Variants in SCAI observed in about 807,000 individuals in gnomAD.
The protein encoded by SCAI is suppressor of cancer cell invasion.
Under a neutral mutation model 92.2 loss-of-function variants are expected in SCAI, and 24 were observed. The observed-to-expected ratio is 0.26, with a 90% CI of 0.19 to 0.37. SCAI has a LOEUF of 0.37. Among genes scored for constraint, SCAI ranks in the 10% least tolerant of loss-of-function variants. The pLI is 1.00. For missense variants in SCAI, 450 were observed against 736.2 expected (o/e 0.61, Z 4.50); for synonymous variants, 261 against 258.6 (o/e 1.01, Z -0.09).
rs1488554816 is a variant in SCAI, at chr9:124,944,743, A to G, written c.*8064T>C. On this transcript the variant is annotated 3_prime_UTR_variant, in exon 18 of 18. Coordinates refer to ENST00000336505, the MANE Select transcript of SCAI (RefSeq NM_001144877.3). ...GTATTTACTTTTGGGATTCTCATGTATGATCATTTCAAATTTTATACTTAT... is the reference window on the plus strand; with the variant it reads ...GTATTTACTTTTGGGATTCTCATGTGTGATCATTTCAAATTTTATACTTAT... 1 of 152,172 alleles carries G rather than the reference A, an allele frequency of 6.6e-6. No homozygotes were observed. The highest frequency in any genetic ancestry group is 1.5e-5 in the Non-Finnish European group (1 of 68,022). The allele number at this position is 152,172 out of a possible 1,614,324, so 9.4% of individuals were successfully genotyped here. A position where few individuals can be genotyped will look rare whatever the true frequency, so the allele number is the denominator to read the frequency against.
chr9:125,007,957 T>C (rs1832547246), intron 9 of SCAI, among the ~76,000 whole-genome samples: 1 of 152,046 alleles, frequency 6.6e-6, no homozygotes, highest in South Asian at 2.1e-4. Context: ...GCCATTCTCC[T>C]GCCTCAGCCT....
In SCAI at chr9:124,966,382, A is replaced by G. The variant is rs1401967877; in HGVS notation, c.1674+4988T>C. ...ATGAGTTCATGTCCTTTGTAGGGAC[A>G]TGGATGAAGCTGGAAACCATCATTC... On this transcript the variant is annotated intron_variant, in intron 17 of 17. Transcript: ENST00000336505. 4.6e-5 allele frequency among the ~76,000 whole-genome samples: 7 copies of G among 152,194 alleles called. No homozygotes were observed. The East Asian group carries it at 1.3e-3, about 29-fold the overall frequency.
At chr9:125,020,643 T>C in intron 7 of SCAI, 30 bp downstream of exon 7, 4 of 975,278 alleles carry the variant, frequency 4.1e-6, no homozygotes, top group Non-Finnish European at 6.3e-6. Flanking sequence ...AACTAGAGAT[T>C]AGAATTTGAA....
At chr9:125,069,486 A>G (rs1833935452) in intron 2 of SCAI, among the ~76,000 whole-genome samples, 1 of 142,950 alleles carries the variant, frequency 7.0e-6, no homozygotes, top group Non-Finnish European at 1.5e-5. Context: ...CCCGGCTAAT[A>G]TTTTTGTATT....
rs1324169207 is a variant in SCAI, at chr9:125,003,097, T to A, written c.1065+17A>T. ...CACACTTTCACCTCATAGTAAAAAGTACTGGATCACACATACCTTAAAAGA... is the reference window on the plus strand; with the variant it reads ...CACACTTTCACCTCATAGTAAAAAGAACTGGATCACACATACCTTAAAAGA... On this transcript the variant is annotated intron_variant, in intron 11 of 17. Transcript: ENST00000336505. 1 of 1,544,964 alleles carries A rather than the reference T, an allele frequency of 6.5e-7. No individual in the cohort carries two copies. Among genetic ancestry groups the A allele is most frequent in the Non-Finnish European group, 8.9e-7 (1 of 1,117,384 alleles).
chr9:124,995,642 C>G (rs905922778), intron 13 of SCAI, among the ~76,000 whole-genome samples: 1 of 151,940 alleles, frequency 6.6e-6, no homozygotes, highest in African/African-American at 2.4e-5. Flanking sequence ...AGACATGTAC[C>G]AACACAACCA....
chr9:124,975,606 G>T (rs1422010887), intron 15 of SCAI, among the ~76,000 whole-genome samples: 1 of 152,164 alleles, frequency 6.6e-6, no homozygotes, highest in Non-Finnish European at 1.5e-5. Context: ...ACTTAGAAGA[G>T]GTTCTTTTAT....
intron 14 of SCAI, among the ~76,000 whole-genome samples, chr9:124,976,516 A>ATG (rs1831758670): frequency 6.6e-6 from 1 of 152,256 alleles, no homozygotes; most frequent in South Asian, 2.1e-4. Flanking sequence ...ACTTATATAT[A>ATG]TAAAGGTGAA....
At position 124,946,161 on chromosome 9, in the gene SCAI, C is replaced by A. The variant is rs1390449348; in HGVS notation, c.*6646G>T. On this transcript the variant is annotated 3_prime_UTR_variant, in exon 18 of 18. Coordinates refer to ENST00000336505, the MANE Select transcript of SCAI (RefSeq NM_001144877.3). The surrounding 1 kb of genome is among the most constrained non-coding windows in gnomAD (Gnocchi z 4.0). ...TTTAAATGGTATAATATCTGCTCTA[C>A]TACTCTCCAGTGCAAAAACAATGAT... 1.3e-5 allele frequency: 2 copies of A among 152,190 alleles called. No homozygotes were observed. Among genetic ancestry groups the A allele is most frequent in the Non-Finnish European group, 2.9e-5 (2 of 68,024 alleles). 9.4% of individuals were successfully genotyped at this position (152,190 alleles called of 1,614,324 possible).
intron 2 of SCAI, among the ~76,000 whole-genome samples, chr9:125,104,651 C>A (rs1834739685): frequency 6.6e-6 from 1 of 150,476 alleles, no homozygotes; most frequent in South Asian, 2.1e-4. Context: ...GGCCTGTAAT[C>A]CCAGCACTTT....
Position 125,019,179 on chromosome 9 carries a change from A to G in SCAI, c.636T>C (p.Tyr212=). 1 of 1,586,218 alleles carries G rather than the reference A, an allele frequency of 6.3e-7. No homozygotes were observed. Among genetic ancestry groups the G allele is most frequent in the Admixed American group, 1.9e-5 (1 of 53,116 alleles). Residue 212 remains tyrosine (Y), a synonymous_variant, in exon 8 of 18, where the codon TAT becomes TAC. Coordinates refer to ENST00000336505, the MANE Select transcript of SCAI (RefSeq NM_001144877.3). The part of the protein sequence containing the change: ...VKELSDEIED[Y]THRFNTEDQV... ...GATCTTCAGTATTAAATCGGTGAGT[A>G]TAATCTTCAATTTCATCTGACAATT...
intron 3 of SCAI, among the ~76,000 whole-genome samples, chr9:125,043,298 A>C (rs1833365112): frequency 6.6e-6 from 1 of 152,140 alleles, no homozygotes; most frequent in Non-Finnish European, 1.5e-5. Context: ...TCTTGTTTAA[A>C]CACAGAGGAC....
chr9:125,018,207 G>A lies in SCAI; in HGVS notation c.861+592C>T, dbSNP rs569064130. ...CCTCCCAGGTTCAAGTGATTCTCTT[G>A]CCTCAGCCTCCTGAGTAGCTGGGAT... On this transcript the variant is annotated intron_variant, in intron 9 of 17. Transcript: ENST00000336505. 8.6e-4 allele frequency among the ~76,000 whole-genome samples: 131 copies of A among 151,990 alleles called. 1 individual carries two copies. Among genetic ancestry groups the A allele is most frequent in the Admixed American group, 2.1e-3 (32 of 15,256 alleles).
At chr9:125,051,039 T>C (rs1481878578) in intron 3 of SCAI, among the ~76,000 whole-genome samples, 3 of 152,084 alleles carry the variant, frequency 2.0e-5, no homozygotes, top group Non-Finnish European at 4.4e-5. Context: ...TTTATTTACT[T>C]AGAGACAGAG....
chr9:125,107,291 C>T (rs528831815), intron 2 of SCAI, among the ~76,000 whole-genome samples: 2 of 151,716 alleles, frequency 1.3e-5, no homozygotes, highest in Non-Finnish European at 2.9e-5. Flanking sequence ...GGCCTGTAGT[C>T]CCAGCTACTT....
At chr9:125,002,835 G>A (rs1486280285) in intron 11 of SCAI, among the ~76,000 whole-genome samples, 1 of 151,404 alleles carries the variant, frequency 6.6e-6, no homozygotes, top group East Asian at 1.9e-4. Context: ...ACTGGAGGAA[G>A]GAGAACCACT....
At chr9:125,115,252 G>T (rs1381963840) in intron 2 of SCAI, among the ~76,000 whole-genome samples, 1 of 151,138 alleles carries the variant, frequency 6.6e-6, no homozygotes, top group African/African-American at 2.4e-5. Context: ...GGCACCTGTA[G>T]TCCCAGCTAC....
chr9:125,036,366 G>A (rs1833196945), intron 3 of SCAI, among the ~76,000 whole-genome samples: 1 of 151,972 alleles, frequency 6.6e-6, no homozygotes, highest in Non-Finnish European at 1.5e-5. Context: ...GGTAAATGAA[G>A]TCTTCATTTA....
At chr9:124,984,089 T>C (rs1280051080) in intron 14 of SCAI, among the ~76,000 whole-genome samples, 1 of 152,212 alleles carries the variant, frequency 6.6e-6, no homozygotes, top group African/African-American at 2.4e-5. Flanking sequence ...GAAGACCTTT[T>C]AAAAGGCTTT....
Sources: gnomAD v4.1 joint callset for allele counts (sites outside exome capture counted in the v4.1 genomes callset) on GRCh38, gnomAD v4.1.1 for gene constraint, Gnocchi (gnomAD v3.1) non-coding constraint, MANE v1.5 for transcripts, NCBI Gene and HGNC (gene_info 2026-07-23, HGNC 2026-07-21) for gene names.